WDFY1: variants seen among roughly 807,000 people sequenced by gnomAD.
WDFY1 encodes WD repeat and FYVE domain containing 1.
Under a neutral mutation model 56.4 loss-of-function variants are expected in WDFY1, and 32 were observed. That is an observed-to-expected ratio of 0.57 (90% confidence interval 0.43 to 0.76). The LOEUF (loss-of-function observed/expected upper bound fraction) is 0.76, where lower values mean the gene tolerates loss of function less well. Ranked by LOEUF, WDFY1 falls within the 30% of genes least tolerant of loss-of-function variation. The pLI, the probability that WDFY1 is intolerant of heterozygous loss-of-function variation, is 0.00. For missense variants in WDFY1, 480 were observed against 545.7 expected, an observed-to-expected ratio of 0.88 and a Z score of 1.20; for synonymous variants, 192 against 197.3, an observed-to-expected ratio of 0.97 and a Z score of 0.23.
intron 1 of WDFY1, among the ~76,000 whole-genome samples, chr2:223,919,562 T>C (rs1693855946): frequency 6.6e-6 from 1 of 152,018 alleles, no homozygotes; most frequent in African/African-American, 2.4e-5. Context: ...CAGGCTGGAG[T>C]GCAGTGGTGC....
rs1252693960 is a variant in WDFY1 at position 223,878,104 on chromosome 2, G to GA, written c.*566dup. Reference sequence around the variant, plus strand: ...CTAAGTGCAGATTATGGCACTACCTGAAAATAACAGATCTCTTTAAGAAGT... The same window carrying GA: ...CTAAGTGCAGATTATGGCACTACCTGAAAAATAACAGATCTCTTTAAGAAGT... On this transcript the variant is annotated 3_prime_UTR_variant, in exon 12 of 12. Coordinates refer to ENST00000233055, the MANE Select transcript of WDFY1 (RefSeq NM_020830.5). The GA allele has an allele frequency of 6.6e-6, 1 of 152,444 alleles. No homozygotes were observed. Among genetic ancestry groups the GA allele is most frequent in the Non-Finnish European group, 1.5e-5 (1 of 68,062 alleles). 9.4% of individuals were successfully genotyped at this position (152,444 alleles called of 1,614,324 possible).
At chr2:223,898,619 T>C (rs1378247298) in intron 6 of WDFY1, among the ~76,000 whole-genome samples, 3 of 152,166 alleles carry the variant, frequency 2.0e-5, no homozygotes, top group Non-Finnish European at 2.9e-5. Context: ...TTGGCCAGGC[T>C]GGTCTCGAAC....
intron 1 of WDFY1, among the ~76,000 whole-genome samples, chr2:223,933,042 A>G (rs962814668): frequency 3.9e-5 from 6 of 152,146 alleles, no homozygotes; most frequent in African/African-American, 1.4e-4. Context: ...TGCTGCAAAA[A>G]GAAGTCTTTC....
intron 8 of WDFY1, among the ~76,000 whole-genome samples, chr2:223,890,660 A>G (rs1354277087): frequency 1.3e-5 from 2 of 152,054 alleles, no homozygotes; most frequent in African/African-American, 4.8e-5. Context: ...TAATTGCTTC[A>G]CTCTCTTTTC....
rs562431900 is a variant in WDFY1 at position 223,885,799 on chromosome 2, A to T, written c.832-1050T>A. Among the ~76,000 whole-genome samples the T allele has an allele frequency of 1.7e-3, 259 of 152,126 alleles. 1 individual carries two copies. Among genetic ancestry groups the T allele is most frequent in the Non-Finnish European group, 2.7e-3 (186 of 67,998 alleles). ...CTCTGGGTAGGGACTATGCCGGCAG[A>T]TTTGCCCCCCTTCCCTTCCCAGCCA... On this transcript the variant is annotated intron_variant, in intron 8 of 11. Coordinates refer to ENST00000233055, the MANE Select transcript of WDFY1 (RefSeq NM_020830.5).
At chr2:223,879,523 G>A (rs1241031824) in intron 11 of WDFY1, among the ~76,000 whole-genome samples, 1 of 152,012 alleles carries the variant, frequency 6.6e-6, no homozygotes, top group East Asian at 1.9e-4. Flanking sequence ...GCCAAGCCTG[G>A]TGGCAGGCAC....
intron 9 of WDFY1, among the ~76,000 whole-genome samples, chr2:223,882,360 G>A (rs1264357689): frequency 6.6e-6 from 1 of 152,140 alleles, no homozygotes; most frequent in African/African-American, 2.4e-5. Flanking sequence ...TGATCCACCT[G>A]CCTCAGCCTC....
intron 2 of WDFY1, among the ~76,000 whole-genome samples, chr2:223,913,730 A>G (rs1031248466): frequency 2.0e-5 from 3 of 152,086 alleles, no homozygotes; most frequent in African/African-American, 7.2e-5. Context: ...TTAATGCCCA[A>G]CCCTATAACA....
chr2:223,923,163 T>A (rs543412710), intron 1 of WDFY1, among the ~76,000 whole-genome samples: 2 of 152,290 alleles, frequency 1.3e-5, no homozygotes, highest in South Asian at 4.1e-4. Flanking sequence ...CCCTTCCATC[T>A]CTTTTCAAAC....
chr2:223,915,348 G>C (rs1021194999), intron 2 of WDFY1, among the ~76,000 whole-genome samples: 2 of 152,232 alleles, frequency 1.3e-5, no homozygotes, highest in African/African-American at 4.8e-5. Context: ...AGTTAGAAAA[G>C]GCTGAAGACA....
At position 223,876,089 on chromosome 2, in the gene WDFY1, T is replaced by C. The variant is rs191393021; in HGVS notation, c.*2582A>G. ...GTTTCTACCTAATGCTATAGGGGTA[T>C]TGCTATCATTTGAACTAAGAAAGAA... On this transcript the variant is annotated 3_prime_UTR_variant, in exon 12 of 12. Transcript: ENST00000233055. The C allele has an allele frequency of 6.6e-6, 1 of 152,522 alleles. No homozygotes were observed. Among genetic ancestry groups the C allele is most frequent in the Admixed American group, 6.5e-5 (1 of 15,282 alleles). 9.4% of individuals were successfully genotyped at this position (152,522 alleles called of 1,614,324 possible).
chr2:223,910,360 C>T (rs1227512830), intron 3 of WDFY1, among the ~76,000 whole-genome samples: 3 of 151,328 alleles, frequency 2.0e-5, no homozygotes, highest in Non-Finnish European at 4.4e-5. Context: ...ATATAAATGA[C>T]CTTGGATTAG....
At chr2:223,883,212 C>T (rs898789070) in intron 9 of WDFY1, among the ~76,000 whole-genome samples, 5 of 152,176 alleles carry the variant, frequency 3.3e-5, no homozygotes, top group African/African-American at 1.2e-4. Flanking sequence ...GCACTATGCT[C>T]TCATTAAGAA....
intron 1 of WDFY1, 62 bp from the exon 2 acceptor site, chr2:223,918,072 T>C (rs1429369809): frequency 6.4e-7 from 1 of 1,561,668 alleles, no homozygotes; most frequent in East Asian, 2.3e-5. Flanking sequence ...TTGTGTTCCA[T>C]GAGAACTTAA....
chr2:223,921,525 A>G (rs1476828799), intron 1 of WDFY1, among the ~76,000 whole-genome samples: 2 of 152,254 alleles, frequency 1.3e-5, no homozygotes, highest in Non-Finnish European at 2.9e-5. Context: ...TCCAGCAATT[A>G]AAATAGGTAG....
intron 8 of WDFY1, among the ~76,000 whole-genome samples, chr2:223,889,401 T>C (rs1693229208): frequency 6.6e-6 from 1 of 152,212 alleles, no homozygotes; most frequent in South Asian, 2.1e-4. Context: ...TCTGTGTCCC[T>C]ACCCACATCT....
chr2:223,898,328 C>A (rs1693434929), intron 6 of WDFY1, among the ~76,000 whole-genome samples: 1 of 152,148 alleles, frequency 6.6e-6, no homozygotes, highest in Non-Finnish European at 1.5e-5. Flanking sequence ...GTAATAACAA[C>A]AATTCTTCCA....
At chr2:223,897,467 C>T (rs1208676355) in intron 6 of WDFY1, among the ~76,000 whole-genome samples, 1 of 150,226 alleles carries the variant, frequency 6.7e-6, no homozygotes, top group East Asian at 2.0e-4. Context: ...CAACCTCTGC[C>T]TCCCGGGTTC....
intron 1 of WDFY1, among the ~76,000 whole-genome samples, chr2:223,928,860 A>C (rs1016578211): frequency 6.6e-6 from 1 of 152,170 alleles, no homozygotes. Context: ...GCCCCCAGTG[A>C]GTCTATTAGT....
Sources: allele counts gnomAD v4.1 joint callset (sites outside exome capture counted in the v4.1 genomes callset), GRCh38; gene constraint gnomAD v4.1.1; transcripts MANE v1.5; gene names NCBI Gene and HGNC (gene_info 2026-07-23, HGNC 2026-07-21).